Variants in YWHAZ observed in about 807,000 individuals in gnomAD.
YWHAZ encodes the protein 14-3-3 protein zeta/delta.
For missense variants in YWHAZ, 79 were observed against 284.8 expected (o/e 0.28, Z 5.20); for synonymous variants, 87 against 103.6 (o/e 0.84, Z 0.97).
rs1387068397 is a variant in YWHAZ, at chr8:100,920,012, T to G, written c.*681A>C. ...TGCATCTTTACTTTTACATTTGTTC[T>G]TAGGTTGCCTAAAACATTTAAATAC... On this transcript the variant is annotated 3_prime_UTR_variant, in exon 6 of 6. Coordinates refer to ENST00000395958, the MANE Select transcript of YWHAZ (RefSeq NM_145690.3). 3 of 152,650 alleles carry G rather than the reference T, an allele frequency of 2.0e-5. No homozygotes were observed. Among genetic ancestry groups the G allele is most frequent in the Non-Finnish European group, 4.4e-5 (3 of 68,038 alleles). The allele number at this position is 152,650 out of a possible 1,614,324, so 9.5% of individuals were successfully genotyped here.
intron 2 of YWHAZ, among the ~76,000 whole-genome samples, chr8:100,933,461 A>G (rs556522611): frequency 6.6e-6 from 1 of 152,278 alleles, no homozygotes; most frequent in South Asian, 2.1e-4. Context: ...CAACTGATTT[A>G]AAGTAACCTC....
intron 2 of YWHAZ, among the ~76,000 whole-genome samples, chr8:100,946,417 G>C (rs1482967927): frequency 6.6e-6 from 1 of 152,088 alleles, no homozygotes; most frequent in Non-Finnish European, 1.5e-5. Flanking sequence ...GGGCGTGCTG[G>C]TGCACGCCCA....
chr8:100,940,547 G>T (rs1257334136), intron 2 of YWHAZ, among the ~76,000 whole-genome samples: 1 of 152,148 alleles, frequency 6.6e-6, no homozygotes, highest in Non-Finnish European at 1.5e-5. Flanking sequence ...TTATAAAATA[G>T]CAAGTTGTCA....
rs188621799 is a variant in YWHAZ, at chr8:100,917,614, G to A, written c.*3079C>T. On this transcript the variant is annotated 3_prime_UTR_variant, in exon 6 of 6. Coordinates refer to ENST00000395958, the MANE Select transcript of YWHAZ (RefSeq NM_145690.3). The stretch of plus-strand genomic sequence containing the variant: ...CATGCCTGCAGTCCCAGCTACTTGC[G>A]AGGCTGAGGCAGGAGAATCACTTCA... The A allele has an allele frequency of 2.9e-4, 44 of 152,166 alleles. No individual in the cohort carries two copies. Among genetic ancestry groups the A allele is most frequent in the African/African-American group, 8.9e-4 (37 of 41,408 alleles). 9.4% of individuals were successfully genotyped at this position (152,166 alleles called of 1,614,324 possible). A position where few individuals can be genotyped will look rare whatever the true frequency, so the allele number is the denominator to read the frequency against.
At chr8:100,927,422 G>A (rs547726157) in intron 2 of YWHAZ, among the ~76,000 whole-genome samples, 13 of 152,298 alleles carry the variant, frequency 8.5e-5, no homozygotes, top group African/African-American at 2.9e-4. Context: ...TACTTGGAAG[G>A]CTGAGACAGG....
In YWHAZ at chr8:100,920,795, T is replaced by TTGGGGG. The variant is rs373030011; in HGVS notation, c.679-44_679-43insCCCCCA. On this transcript the variant is annotated intron_variant, in intron 5 of 5. Coordinates refer to ENST00000395958, the MANE Select transcript of YWHAZ (RefSeq NM_145690.3). Reference sequence around the variant, plus strand: ...GATTTTTCAGCAAGTTTCAGTGGGATGGGGGGGGGGGGGCGTTTTCATATA... The same window carrying TTGGGGG: ...GATTTTTCAGCAAGTTTCAGTGGGATTGGGGGGGGGGGGGGGGGGCGTTTTCATATA... 3.2e-4 allele frequency: 28 copies of TTGGGGG among 88,796 alleles called. 1 individual carries two copies. The African/African-American group carries it at 3.2e-3, about 10-fold the overall frequency. 5.5% of individuals were successfully genotyped at this position (88,796 alleles called of 1,614,324 possible).
At chr8:100,938,845 GA>G in intron 2 of YWHAZ, among the ~76,000 whole-genome samples, 1 of 152,324 alleles carries the variant, frequency 6.6e-6, no homozygotes. Context: ...AAATGCTAAT[GA>G]TTAGGAGGTG....
intron 2 of YWHAZ, among the ~76,000 whole-genome samples, chr8:100,943,206 C>G (rs956816649): frequency 6.6e-6 from 1 of 152,184 alleles, no homozygotes; most frequent in Admixed American, 6.5e-5. Flanking sequence ...GACAGCAGTT[C>G]TAAGTCCCCT....
intron 2 of YWHAZ, among the ~76,000 whole-genome samples, chr8:100,937,583 T>A (rs1814246342): frequency 6.6e-6 from 1 of 152,192 alleles, no homozygotes; most frequent in Non-Finnish European, 1.5e-5. Context: ...CTGGGCTAAC[T>A]TTGACATGAC....
chr8:100,938,571 T>C (rs1055951196), intron 2 of YWHAZ, among the ~76,000 whole-genome samples: 5 of 152,220 alleles, frequency 3.3e-5, no homozygotes, highest in African/African-American at 1.2e-4. Context: ...CAGCATAGTG[T>C]AGTTCAAATT....
intron 2 of YWHAZ, among the ~76,000 whole-genome samples, chr8:100,941,778 G>A (rs1809879564): frequency 6.9e-6 from 1 of 144,356 alleles, no homozygotes; most frequent in South Asian, 2.2e-4. Context: ...AGGTGAGACT[G>A]CTATCTCAGA....
rs142970213 is a variant in YWHAZ at position 100,933,999 on chromosome 8, A to C, written c.295-8960T>G. ...TGTTGAAACCCCATCTCTACTAAAA[A>C]TACAAAAAATGAGGTGGGCATGGTG... On this transcript the variant is annotated intron_variant, in intron 2 of 5. Coordinates refer to ENST00000395958, the MANE Select transcript of YWHAZ (RefSeq NM_145690.3). 5.1e-3 allele frequency among the ~76,000 whole-genome samples: 780 copies of C among 151,826 alleles called. 9 individuals carry two copies. The highest frequency in any genetic ancestry group is 0.017 in the African/African-American group (710 of 41,380).
Position 100,946,898 on chromosome 8 carries a change from C to CA in YWHAZ, c.294+1697dup, listed in dbSNP as rs1237649714. 3.2e-3 allele frequency among the ~76,000 whole-genome samples: 432 copies of CA among 134,444 alleles called. 2 individuals are homozygous for CA. Among genetic ancestry groups the CA allele is most frequent in the African/African-American group, 4.8e-3 (173 of 35,916 alleles). 88.2% of individuals were successfully genotyped at this position (134,444 alleles called of 152,430 possible). A position where few individuals can be genotyped will look rare whatever the true frequency, so the allele number is the denominator to read the frequency against. ...TAGTAAGGTGAGCAAAAAAAAAAAA[C>CA]AAAAAAAACAAAAAAACCCAATACA... is the stretch of plus-strand genomic sequence containing the variant. On this transcript the variant is annotated intron_variant, in intron 2 of 5. Transcript: ENST00000395958.
At chr8:100,943,995 A>AG (rs1563686931) in intron 2 of YWHAZ, among the ~76,000 whole-genome samples, 5 of 147,928 alleles carry the variant, frequency 3.4e-5, no homozygotes, top group Non-Finnish European at 5.9e-5. Flanking sequence ...TCAAAAAAAA[A>AG]AAGAAAAAAG....
At position 100,948,537 on chromosome 8, in the gene YWHAZ, G is replaced by GT; in HGVS notation, c.294+58dup. On this transcript the variant is annotated intron_variant, in intron 2 of 5. Transcript: ENST00000395958. The surrounding 1 kb of genome is among the most constrained non-coding windows in gnomAD (Gnocchi z 4.2). ...AACCAAACAAAAAGTTAAGAGTAATGTAACTGATACTCATAGGGACCCTAC... is the reference window on the plus strand; with the variant it reads ...AACCAAACAAAAAGTTAAGAGTAATGTTAACTGATACTCATAGGGACCCTAC... The GT allele has an allele frequency of 6.6e-7, 1 of 1,519,316 alleles. No homozygotes were observed. The highest frequency in any genetic ancestry group is 8.9e-7 in the Non-Finnish European group (1 of 1,127,734). 94.1% of individuals were successfully genotyped at this position (1,519,316 alleles called of 1,614,324 possible). A position where few individuals can be genotyped will look rare whatever the true frequency, so the allele number is the denominator to read the frequency against.
upstream of YWHAZ, chr8:100,952,699 G>T: frequency 1.3e-6 from 1 of 779,646 alleles, no homozygotes; most frequent in Non-Finnish European, 1.6e-6. Context: ...CGGGGCGGGG[G>T]CCCCGGGGCG....
At chr8:100,934,339 TA>T (rs1227840280) in intron 2 of YWHAZ, among the ~76,000 whole-genome samples, 3 of 140,320 alleles carry the variant, frequency 2.1e-5, no homozygotes, top group African/African-American at 8.8e-5. Context: ...TTTTTTTTTT[TA>T]AAAGGAGGGT....
chr8:100,948,058 G>GT lies in YWHAZ; in HGVS notation c.294+537dup, dbSNP rs756967234. ...TTGTTCATAACCTTTCATCATGGTT[G>GT]TGAGTGTTCAAAATTTACCTTCAAG... On this transcript the variant is annotated intron_variant, in intron 2 of 5. Coordinates refer to ENST00000395958, the MANE Select transcript of YWHAZ (RefSeq NM_145690.3). The surrounding 1 kb of genome is among the most constrained non-coding windows in gnomAD (Gnocchi z 4.2). 9.9e-6 allele frequency: 15 copies of GT among 1,515,868 alleles called. No individual in the cohort carries two copies. The Admixed American group carries it at 1.4e-4, about 14-fold the overall frequency. The allele number at this position is 1,515,868 out of a possible 1,614,324, so 93.9% of individuals were successfully genotyped here. A position where few individuals can be genotyped will look rare whatever the true frequency, so the allele number is the denominator to read the frequency against.
upstream of YWHAZ, chr8:100,953,088 C>A (rs1446768964): frequency 2.0e-6 from 2 of 992,416 alleles, no homozygotes; most frequent in Non-Finnish European, 2.4e-6. Flanking sequence ...TTTAGGGAAG[C>A]CAGAGTTCCG....
Sources: gnomAD v4.1 joint callset for allele counts (sites outside exome capture counted in the v4.1 genomes callset) on GRCh38, gnomAD v4.1.1 for gene constraint, Gnocchi (gnomAD v3.1) non-coding constraint, MANE v1.5 for transcripts, NCBI Gene and HGNC (gene_info 2026-07-23, HGNC 2026-07-21) for gene names.